PDGFD: variants seen among roughly 807,000 people sequenced by gnomAD.
PDGFD encodes the protein platelet-derived growth factor D.
Under a neutral mutation model 44.7 loss-of-function variants are expected in PDGFD, and 30 were observed. The observed-to-expected ratio is 0.67, with a 90% confidence interval of 0.50 to 0.91. The LOEUF is 0.91. Among genes scored for constraint, PDGFD ranks in the 40% least tolerant of loss-of-function variants. PDGFD has a pLI of 0.00. For missense variants in PDGFD, 445 were observed against 457.8 expected, an observed-to-expected ratio of 0.97 and a Z score of 0.25; for synonymous variants, 173 against 168.4, an observed-to-expected ratio of 1.03 and a Z score of -0.21.
intron 6 of PDGFD, among the ~76,000 whole-genome samples, chr11:103,917,899 T>A (rs1406128213): frequency 6.6e-6 from 1 of 152,214 alleles, no homozygotes; most frequent in Non-Finnish European, 1.5e-5. Context: ...GAAAGTTAGA[T>A]GCCTGGAGTC....
rs534252857 is a variant in PDGFD at position 103,954,868 on chromosome 11, A to G, written c.511-7144T>C. On this transcript the variant is annotated intron_variant, in intron 3 of 6. Transcript: ENST00000393158. ...AAGACAAAGGGGTTTGTTAAGATTC[A>G]TAAAACAGTAATGAGGCCGGGCGCG... Among the ~76,000 whole-genome samples, 14 of 152,106 alleles carry G rather than the reference A, an allele frequency of 9.2e-5. No homozygotes were observed. In the East Asian group the frequency reaches 2.5e-3, roughly 27 times the overall value.
At chr11:104,086,107 G>A (rs528967061) in intron 1 of PDGFD, among the ~76,000 whole-genome samples, 1 of 152,290 alleles carries the variant, frequency 6.6e-6, no homozygotes, top group Non-Finnish European at 1.5e-5. Context: ...GCTAGTGACA[G>A]CAAAAGAGGT....
At chr11:104,137,860 T>A (rs565854136) in intron 1 of PDGFD, among the ~76,000 whole-genome samples, 4 of 151,940 alleles carry the variant, frequency 2.6e-5, no homozygotes, top group African/African-American at 9.7e-5. Flanking sequence ...GATCAAGCTG[T>A]TTTTGCAACT....
At chr11:104,035,242 C>T (rs896698153) in intron 1 of PDGFD, among the ~76,000 whole-genome samples, 2 of 152,196 alleles carry the variant, frequency 1.3e-5, no homozygotes, top group African/African-American at 4.8e-5. Flanking sequence ...TACCCTATAT[C>T]CCATTTTAGA....
At chr11:104,003,634 C>T (rs967766631) in intron 1 of PDGFD, among the ~76,000 whole-genome samples, 1 of 152,150 alleles carries the variant, frequency 6.6e-6, no homozygotes, top group African/African-American at 2.4e-5. Flanking sequence ...AGGATGCTGC[C>T]AGGGGAAACA....
chr11:104,105,238 T>C (rs1861455615), intron 1 of PDGFD, among the ~76,000 whole-genome samples: 1 of 152,176 alleles, frequency 6.6e-6, no homozygotes, highest in Admixed American at 6.6e-5. Flanking sequence ...CTGCTCCATT[T>C]GTAGCTGAGC....
chr11:103,931,429 A>G (rs1252456811), intron 5 of PDGFD, among the ~76,000 whole-genome samples: 1 of 152,200 alleles, frequency 6.6e-6, no homozygotes, highest in African/African-American at 2.4e-5. Context: ...GTCTCTAAAC[A>G]TTAAGTTATC....
intron 2 of PDGFD, among the ~76,000 whole-genome samples, chr11:103,996,527 T>C (rs1324969394): frequency 6.6e-6 from 1 of 152,242 alleles, no homozygotes; most frequent in African/African-American, 2.4e-5. Flanking sequence ...CATCTGGTTT[T>C]AGAAAGTTTT....
At chr11:104,055,409 C>T (rs1860604026) in intron 1 of PDGFD, among the ~76,000 whole-genome samples, 1 of 152,106 alleles carries the variant, frequency 6.6e-6, no homozygotes, top group Non-Finnish European at 1.5e-5. Flanking sequence ...GTAACTTTGG[C>T]TCCAGGATCT....
intron 6 of PDGFD, among the ~76,000 whole-genome samples, chr11:103,922,548 TC>T (rs35557831): frequency 2.0e-5 from 3 of 150,832 alleles, no homozygotes; most frequent in Non-Finnish European, 3.0e-5. Flanking sequence ...AAAGAAGAAT[TC>T]CCCCCCGCCT....
rs11226116 is a variant in PDGFD at position 104,027,732 on chromosome 11, T to A, written c.125-27477A>T. Among the ~76,000 whole-genome samples the A allele has an allele frequency of 7.8e-3, 1,182 of 152,352 alleles. 12 individuals carry two copies. Among genetic ancestry groups the A allele is most frequent in the African/African-American group, 0.027 (1,126 of 41,582 alleles). On this transcript the variant is annotated intron_variant, in intron 1 of 6. Transcript: ENST00000393158. ...CTGCAGATATAGAATACTGTCCTTT[T>A]ATAAAAAAATAGAATAACATACATT...
chr11:104,098,507 C>CTTTTT (rs34351974), intron 1 of PDGFD, among the ~76,000 whole-genome samples: 1 of 140,312 alleles, frequency 7.1e-6, no homozygotes, highest in African/African-American at 2.6e-5. Flanking sequence ...TTCTGTTTCT[C>CTTTTT]TTTTTTTTTT....
At chr11:104,142,584 T>C (rs1272905221) in intron 1 of PDGFD, among the ~76,000 whole-genome samples, 1 of 152,194 alleles carries the variant, frequency 6.6e-6, no homozygotes, top group Non-Finnish European at 1.5e-5. Context: ...AATGATTTTA[T>C]TACAAGTCTT....
Position 104,073,681 on chromosome 11 carries a change from G to A in PDGFD, c.125-73426C>T, listed in dbSNP as rs544313038. 3.3e-5 allele frequency among the ~76,000 whole-genome samples: 5 copies of A among 152,176 alleles called. No homozygotes were observed. The East Asian group carries it at 5.8e-4, about 18-fold the overall frequency. On this transcript the variant is annotated intron_variant, in intron 1 of 6. Coordinates refer to ENST00000393158, the MANE Select transcript of PDGFD (RefSeq NM_025208.5). ...GATTACAAAGCACACCTCTAAACTG[G>A]GTGTTACTTTAGACATAAATGCTCA...
intron 1 of PDGFD, among the ~76,000 whole-genome samples, chr11:104,093,980 C>T (rs1861247191): frequency 6.6e-6 from 1 of 151,702 alleles, no homozygotes; most frequent in African/African-American, 2.4e-5. Context: ...GACTTGCTTA[C>T]ATGTGCTGCC....
intron 1 of PDGFD, among the ~76,000 whole-genome samples, chr11:104,092,818 G>C (rs893899174): frequency 6.6e-6 from 1 of 152,102 alleles, no homozygotes; most frequent in Non-Finnish European, 1.5e-5. Flanking sequence ...GAAGAAAATA[G>C]AATATGATCA....
At position 104,036,890 on chromosome 11, in the gene PDGFD, C is replaced by G. The variant is rs1321760106; in HGVS notation, c.125-36635G>C. ...GTCACCTTCTCTCTCCAGGTCAGCC[C>G]CGACTTTGAGCTCCGAAACTTCAAG... On this transcript the variant is annotated intron_variant, in intron 1 of 6. Transcript: ENST00000393158. 4.3e-6 allele frequency: 7 copies of G among 1,614,032 alleles called. No individual in the cohort carries two copies. The highest frequency in any genetic ancestry group is 5.9e-6 in the Non-Finnish European group (7 of 1,180,036).
chr11:104,079,555 T>G (rs1861014545), intron 1 of PDGFD, among the ~76,000 whole-genome samples: 1 of 151,958 alleles, frequency 6.6e-6, no homozygotes, highest in Non-Finnish European at 1.5e-5. Flanking sequence ...GCTCAGCTAA[T>G]TTTTTGTATT....
chr11:103,944,902 G>C (rs1858646891), intron 4 of PDGFD, among the ~76,000 whole-genome samples: 1 of 152,076 alleles, frequency 6.6e-6, no homozygotes, highest in South Asian at 2.1e-4. Flanking sequence ...CAAGGGAGTT[G>C]GGTGAGAGGG....
Sources: allele counts gnomAD v4.1 joint callset (sites outside exome capture counted in the v4.1 genomes callset), GRCh38; gene constraint gnomAD v4.1.1; transcripts MANE v1.5; gene names NCBI Gene and HGNC (gene_info 2026-07-23, HGNC 2026-07-21).